Variants in ANO2 observed in about 807,000 individuals in gnomAD.
The protein encoded by ANO2 is anoctamin 2.
In ANO2, 101 loss-of-function variants were observed where a neutral mutation model predicts 124.2. That is an observed-to-expected ratio of 0.81 (90% CI 0.69 to 0.96). The LOEUF is 0.96. ANO2 is among the 40% of genes least tolerant of loss of function. The pLI, the probability that ANO2 is intolerant of heterozygous loss-of-function variation, is 0.00. For synonymous variants in ANO2, 486 were observed against 482.5 expected (o/e 1.01, Z -0.09); for missense variants, 1,293 against 1,274.5 (o/e 1.01, Z -0.22).
intron 4 of ANO2, among the ~76,000 whole-genome samples, chr12:5,848,566 G>A (rs1342539578): frequency 1.3e-5 from 2 of 152,198 alleles, no homozygotes. Context: ...GTGCCTTCAA[G>A]CTCTGCCTCC....
At chr12:5,902,404 G>A (rs868820743) in intron 3 of ANO2, among the ~76,000 whole-genome samples, 2 of 151,220 alleles carry the variant, frequency 1.3e-5, no homozygotes, top group Admixed American at 1.3e-4. Context: ...TGGCAATATA[G>A]TGAGACCCCC....
chr12:5,677,824 T>C (rs979557082), intron 14 of ANO2, among the ~76,000 whole-genome samples: 2 of 152,200 alleles, frequency 1.3e-5, no homozygotes, highest in African/African-American at 4.8e-5. Flanking sequence ...CCCTCTTCCC[T>C]GCCGTTCCCA....
rs1165104264 is a variant in ANO2 at position 5,902,876 on chromosome 12, GGGAGA to G, written c.534+18159_534+18163del. Among the ~76,000 whole-genome samples the G allele has an allele frequency of 3.4e-4, 10 of 29,470 alleles. 2 individuals are homozygous for G. Among genetic ancestry groups the G allele is most frequent in the South Asian group, 2.0e-3 (1 of 506 alleles). The allele number at this position is 29,470 out of a possible 152,430, so 19.3% of individuals were successfully genotyped here. On this transcript the variant is annotated intron_variant, in intron 3 of 24. Transcript: ENST00000682330. ...GGGAGGGGAGGAGAGGGGAGGGGAG[GGGAGA>G]GGAGGGGAGGGGAGGGGAGGGGAGT...
At chr12:5,642,748 C>G (rs1285508468) in intron 15 of ANO2, among the ~76,000 whole-genome samples, 1 of 152,144 alleles carries the variant, frequency 6.6e-6, no homozygotes. Context: ...AGGGCCCTAC[C>G]TACAGGGCTC....
At chr12:5,851,976 A>G (rs769673147) in intron 4 of ANO2, 40 of 735,396 alleles carry the variant, frequency 5.4e-5, no homozygotes, top group Non-Finnish European at 4.7e-5. Flanking sequence ...AAGGATCAGC[A>G]GCAGAGATTA....
At chr12:5,855,787 T>A (rs551360631) in intron 3 of ANO2, among the ~76,000 whole-genome samples, 6 of 152,166 alleles carry the variant, frequency 3.9e-5, no homozygotes, top group Non-Finnish European at 7.4e-5. Flanking sequence ...ACACAGATAG[T>A]GCAATAAAGA....
At position 5,862,557 on chromosome 12, in the gene ANO2, G is replaced by A. The variant is rs1252479884; in HGVS notation, c.535-8416C>T. On this transcript the variant is annotated intron_variant, in intron 3 of 24. Coordinates refer to ENST00000682330, the MANE Select transcript of ANO2 (RefSeq NM_001364791.2). This position sits in a 1 kb window ranked among gnomAD's most constrained non-coding sequence, Gnocchi z 4.0. Reference sequence around the variant, plus strand: ...AACAACTCCTCAAAGCCCAAGTGAAGAGGAAGCAGTGAGGGGAGCCCAGGG... The same window carrying A: ...AACAACTCCTCAAAGCCCAAGTGAAAAGGAAGCAGTGAGGGGAGCCCAGGG... Among the ~76,000 whole-genome samples the A allele has an allele frequency of 6.6e-6, 1 of 152,186 alleles. No individual in the cohort carries two copies. Among genetic ancestry groups the A allele is most frequent in the African/African-American group, 2.4e-5 (1 of 41,450 alleles).
rs116482900 is a variant in ANO2, at chr12:5,586,789, C to T, written c.2234-8271G>A. Among the ~76,000 whole-genome samples, 936 of 152,184 alleles carry T rather than the reference C, an allele frequency of 6.2e-3. 10 individuals carry two copies. Among genetic ancestry groups the T allele is most frequent in the African/African-American group, 0.021 (863 of 41,514 alleles). On this transcript the variant is annotated intron_variant, in intron 20 of 24. Coordinates refer to ENST00000682330, the MANE Select transcript of ANO2 (RefSeq NM_001364791.2). ...ATTCTCTGTCTCCGTTTTAAGTCACCGGGACTCTGGAGTATTTGCTACAAA... is the reference window on the plus strand; with the variant it reads ...ATTCTCTGTCTCCGTTTTAAGTCACTGGGACTCTGGAGTATTTGCTACAAA...
intron 14 of ANO2, among the ~76,000 whole-genome samples, chr12:5,729,319 G>A (rs970917729): frequency 6.6e-6 from 1 of 151,960 alleles, no homozygotes; most frequent in Non-Finnish European, 1.5e-5. Context: ...ATAACCAAAA[G>A]CCAATTAACC....
intron 7 of ANO2, among the ~76,000 whole-genome samples, chr12:5,810,474 C>T (rs34563453): frequency 0.023 from 3,465 of 152,262 alleles, 49 homozygotes; most frequent in Non-Finnish European, 0.034. Flanking sequence ...TTCCATCATG[C>T]GCCATCCATC....
chr12:5,826,118 C>A (rs950656636), intron 7 of ANO2, among the ~76,000 whole-genome samples: 1 of 152,144 alleles, frequency 6.6e-6, no homozygotes, highest in South Asian at 2.1e-4. Flanking sequence ...GATTTATTGA[C>A]CTCATATCAG....
intron 5 of ANO2, 105 bp from the exon 6 acceptor site, chr12:5,830,594 G>A (rs1012541307): frequency 2.2e-6 from 2 of 920,886 alleles, no homozygotes; most frequent in African/African-American, 1.7e-5. Context: ...AACATAGCAA[G>A]ACTTATGAGG....
intron 10 of ANO2, among the ~76,000 whole-genome samples, chr12:5,783,886 G>A (rs748240953): frequency 5.9e-5 from 9 of 152,096 alleles, no homozygotes; most frequent in African/African-American, 2.2e-4. Flanking sequence ...CACTGGCTAC[G>A]ACCTAATTCT....
chr12:5,638,758 G>A (rs569974642), intron 15 of ANO2, among the ~76,000 whole-genome samples: 7 of 152,080 alleles, frequency 4.6e-5, no homozygotes, highest in African/African-American at 1.7e-4. Flanking sequence ...AGGGGATCTG[G>A]CTGCCTGGCA....
intron 16 of ANO2, among the ~76,000 whole-genome samples, chr12:5,615,614 C>T (rs997561029): frequency 5.3e-5 from 8 of 152,136 alleles, no homozygotes; most frequent in Non-Finnish European, 8.8e-5. Flanking sequence ...TTGCAACCAC[C>T]CCCTTTTCTG....
At chr12:5,873,196 G>GCTCGCTCTCTCT (rs1393522452) in intron 3 of ANO2, among the ~76,000 whole-genome samples, 186 of 119,046 alleles carry the variant, frequency 1.6e-3, no homozygotes, top group Non-Finnish European at 2.3e-3. Context: ...GCCTAAAGCA[G>GCTCGCTCTCTCT]CTCTCTCTCT....
intron 4 of ANO2, among the ~76,000 whole-genome samples, chr12:5,833,197 A>T (rs2137220477): frequency 6.6e-6 from 1 of 152,346 alleles, no homozygotes; most frequent in South Asian, 2.1e-4. Flanking sequence ...TCAAAGTATT[A>T]AACATTTAAT....
intron 10 of ANO2, among the ~76,000 whole-genome samples, chr12:5,761,743 C>T (rs1457867016): frequency 6.6e-6 from 1 of 152,132 alleles, no homozygotes; most frequent in African/African-American, 2.4e-5. Context: ...ACTATAGAAA[C>T]TAACCCAAAT....
chr12:5,734,771 C>T (rs1041399426), intron 13 of ANO2, among the ~76,000 whole-genome samples: 1 of 152,092 alleles, frequency 6.6e-6, no homozygotes, highest in African/African-American at 2.4e-5. Flanking sequence ...CCTCAGCCTC[C>T]GGAGTAGCTG....
Sources: allele counts gnomAD v4.1 joint callset (sites outside exome capture counted in the v4.1 genomes callset), GRCh38; gene constraint gnomAD v4.1.1; non-coding constraint Gnocchi (gnomAD v3.1); transcripts MANE v1.5; gene names NCBI Gene and HGNC (gene_info 2026-07-23, HGNC 2026-07-21).